The following TRAPPC11 variants were observed in gnomAD, a reference collection of about 807,000 sequenced individuals.
The protein encoded by TRAPPC11 is trafficking protein particle complex subunit 11, also known as foie gras homolog.
Under a neutral mutation model 151.2 loss-of-function variants are expected in TRAPPC11, and 104 were observed. The ratio of observed to expected loss-of-function variants is 0.69; its 90% CI spans 0.59 to 0.81. The LOEUF is 0.81. TRAPPC11 is among the 30% of genes least tolerant of loss of function. TRAPPC11 has a pLI of 0.00. For synonymous variants in TRAPPC11, 456 were observed against 472.3 expected (o/e 0.97, Z 0.45); for missense variants, 1,230 against 1,349.6 (o/e 0.91, Z 1.39).
Position 183,674,798 on chromosome 4 carries a change from A to G in TRAPPC11, c.646A>G (p.Lys216Glu). 6.3e-7 allele frequency: 1 copy of G among 1,588,978 alleles called. No homozygotes were observed. Among genetic ancestry groups the G allele is most frequent in the Non-Finnish European group, 8.6e-7 (1 of 1,167,742 alleles). The change falls in exon 6 of 30, where the codon AAA becomes GAA. Residue 216 changes from lysine (K) to glutamate (E), a missense_variant. By Grantham distance (56) the Lys-to-Glu change is moderately conservative. Coordinates refer to ENST00000334690, the MANE Select transcript of TRAPPC11 (RefSeq NM_021942.6). Reference protein sequence around the residue: ...RVKSHKEFLNKTTHQLLFVRH... With the variant: ...RVKSHKEFLNETTHQLLFVRH... ...GAAATCTCATAAAGAATTTTTGAAT[A>G]AAACAACACACCAGGTGCGTGATTT...
chr4:183,684,919 A>G (rs1735887892), intron 15 of TRAPPC11, 78 bp downstream of exon 15: 1 of 1,414,084 alleles, frequency 7.1e-7, no homozygotes, highest in Non-Finnish European at 9.7e-7. Context: ...AATTTAAAGA[A>G]TAATTTAGTC....
rs141805398 is a variant in TRAPPC11 at position 183,697,950 on chromosome 4, G to C, written c.2851+115G>C. 94 of 959,204 alleles carry C rather than the reference G, an allele frequency of 9.8e-5. No homozygotes were observed. The African/African-American group carries it at 1.2e-3, about 12-fold the overall frequency. The allele number at this position is 959,204 out of a possible 1,614,324, so 59.4% of individuals were successfully genotyped here. On this transcript the variant is annotated intron_variant, in intron 25 of 29. Coordinates refer to ENST00000334690, the MANE Select transcript of TRAPPC11 (RefSeq NM_021942.6). ...AGCTTTTTGCTAAGTGAGGGAACTT[G>C]AGACCTGCACTCGTGAAAGCAAATG...
intron 1 of TRAPPC11, among the ~76,000 whole-genome samples, chr4:183,660,782 C>T (rs529640525): frequency 1.2e-4 from 19 of 152,258 alleles, no homozygotes; most frequent in African/African-American, 4.6e-4. Flanking sequence ...GGTGCGATCT[C>T]GGCTCACTGA....
intron 10 of TRAPPC11, among the ~76,000 whole-genome samples, chr4:183,681,339 A>G (rs961940016): frequency 3.3e-5 from 5 of 151,984 alleles, no homozygotes; most frequent in Non-Finnish European, 5.9e-5. Context: ...TTGCCATGCT[A>G]TTTGTATGAT....
intron 11 of TRAPPC11, among the ~76,000 whole-genome samples, chr4:183,683,408 C>T (rs747503712): frequency 6.6e-6 from 1 of 152,174 alleles, no homozygotes; most frequent in East Asian, 1.9e-4. Flanking sequence ...TGCCTGTAAT[C>T]CCAGCGCTTT....
intron 5 of TRAPPC11, among the ~76,000 whole-genome samples, chr4:183,672,500 C>T (rs760551730): frequency 2.0e-5 from 3 of 152,096 alleles, no homozygotes; most frequent in East Asian, 3.8e-4. Context: ...CTAGATTTGT[C>T]GTTTATTTAT....
chr4:183,707,953 A>T (rs1737159879), intron 28 of TRAPPC11, among the ~76,000 whole-genome samples: 1 of 152,202 alleles, frequency 6.6e-6, no homozygotes, highest in Admixed American at 6.5e-5. Flanking sequence ...GTTACTTAAC[A>T]CAAAGGTAAA....
chr4:183,673,024 G>A (rs1035106329), intron 5 of TRAPPC11, among the ~76,000 whole-genome samples: 6 of 147,480 alleles, frequency 4.1e-5, no homozygotes, highest in African/African-American at 1.3e-4. Flanking sequence ...GTACAGTGGC[G>A]TCATCTCCGT....
At position 183,706,940 on chromosome 4, in the gene TRAPPC11, G is replaced by C; in HGVS notation, c.3189G>C (p.Gln1063His). The C allele has an allele frequency of 6.2e-7, 1 of 1,613,784 alleles. No homozygotes were observed. The highest frequency in any genetic ancestry group is 8.5e-7 in the Non-Finnish European group (1 of 1,179,882). The change falls in exon 28 of 30, where the codon CAG becomes CAC. Residue 1063 changes from glutamine (Q) to histidine (H), a missense_variant and splice_region_variant. By Grantham distance (24) the Gln-to-His change is conservative. Transcript: ENST00000334690. Reference sequence around the variant, plus strand: ...CCTTCATGTTCTCAGGTCTCAAACAGGTACAGGTCATATCTTGTGATGCTT... The same window carrying C: ...CCTTCATGTTCTCAGGTCTCAAACACGTACAGGTCATATCTTGTGATGCTT... Reference protein sequence around the residue: ...SDAFMFSGLKQIRLRILPGTE... With the variant: ...SDAFMFSGLKHIRLRILPGTE...
chr4:183,674,417 T>C (rs1329942147), intron 5 of TRAPPC11, among the ~76,000 whole-genome samples: 10 of 122,504 alleles, frequency 8.2e-5, no homozygotes, highest in African/African-American at 3.2e-4. Context: ...CCAGACCCTG[T>C]CTCAAAAAAA....
intron 23 of TRAPPC11, 115 bp downstream of exon 23, chr4:183,694,838 G>GC: frequency 9.7e-7 from 1 of 1,034,850 alleles, no homozygotes; most frequent in Non-Finnish European, 1.4e-6. Context: ...CTTATAGTCT[G>GC]TTATAAATTT....
chr4:183,672,596 A>G (rs1284080498), intron 5 of TRAPPC11, among the ~76,000 whole-genome samples: 1 of 152,238 alleles, frequency 6.6e-6, no homozygotes, highest in Non-Finnish European at 1.5e-5. Context: ...TGGAAGCCTT[A>G]CAACACTTAT....
intron 1 of TRAPPC11, among the ~76,000 whole-genome samples, chr4:183,660,851 C>T (rs760774641): frequency 1.3e-5 from 2 of 152,086 alleles, no homozygotes; most frequent in Admixed American, 6.6e-5. Context: ...GTAGCTGGGA[C>T]TATAGGCACG....
At chr4:183,675,908 A>G (rs1735384890) in intron 7 of TRAPPC11, among the ~76,000 whole-genome samples, 1 of 152,236 alleles carries the variant, frequency 6.6e-6, no homozygotes, top group African/African-American at 2.4e-5. Flanking sequence ...AGCAGAATTC[A>G]ATGAAACTTG....
At chr4:183,706,001 C>G (rs967314116) in intron 27 of TRAPPC11, 1 of 152,216 alleles carries the variant, frequency 6.6e-6, no homozygotes, top group African/African-American at 2.4e-5. Context: ...GCAAGGATGA[C>G]ACCCAAATTC....
intron 6 of TRAPPC11, 63 bp from the exon 7 acceptor site, chr4:183,675,101 A>G: frequency 1.1e-6 from 1 of 876,264 alleles, no homozygotes; most frequent in Non-Finnish European, 1.7e-6. Context: ...CTCATAATAA[A>G]CATTATAATT....
Position 183,674,811 on chromosome 4 carries a change from A to G in TRAPPC11, c.659A>G (p.Gln220Arg). 6.4e-7 allele frequency: 1 copy of G among 1,566,720 alleles called. No homozygotes were observed. The highest frequency in any genetic ancestry group is 8.7e-7 in the Non-Finnish European group (1 of 1,153,938). ...GAATTTTTGAATAAAACAACACACC[A>G]GGTGCGTGATTTTTTGCAATAATAG... is the stretch of plus-strand genomic sequence containing the variant. ...HKEFLNKTTH[Q>R]LLFVRHQFKI... is the part of the protein sequence containing the mutation. The change falls in exon 6 of 30, where the codon CAG becomes CGG. Residue 220 changes from glutamine (Q) to arginine (R), a missense_variant and splice_region_variant. Gln to Arg is a conservative substitution (Grantham distance 43). Coordinates refer to ENST00000334690, the MANE Select transcript of TRAPPC11 (RefSeq NM_021942.6).
chr4:183,695,885 T>C (rs1736512360), intron 23 of TRAPPC11, among the ~76,000 whole-genome samples: 1 of 152,170 alleles, frequency 6.6e-6, no homozygotes, highest in African/African-American at 2.4e-5. Flanking sequence ...ATATGGTAGC[T>C]TAGGAGATAA....
At chr4:183,664,408 T>C (rs947127070) in intron 2 of TRAPPC11, among the ~76,000 whole-genome samples, 4 of 152,054 alleles carry the variant, frequency 2.6e-5, no homozygotes, top group Non-Finnish European at 5.9e-5. Flanking sequence ...TTGAATCCCA[T>C]GGTCTGTGCA....
Sources: gnomAD v4.1 joint callset for allele counts (sites outside exome capture counted in the v4.1 genomes callset) on GRCh38, gnomAD v4.1.1 for gene constraint, MANE v1.5 for transcripts, NCBI Gene and HGNC (gene_info 2026-07-23, HGNC 2026-07-21) for gene names.